Variants in NELL2 observed in about 807,000 individuals in gnomAD.
NELL2 encodes neural EGFL like 2.
NELL2 carries 41 observed loss-of-function variants against 109.6 expected under a neutral mutation model. The observed-to-expected ratio is 0.37, with a 90% CI of 0.29 to 0.49. The LOEUF is 0.49. Among genes scored for constraint, NELL2 ranks in the 20% least tolerant of loss-of-function variants. NELL2 has a pLI of 0.98. For missense variants in NELL2, 900 were observed against 1,008.3 expected (o/e 0.89, Z 1.45); for synonymous variants, 355 against 344.7 (o/e 1.03, Z -0.33).
At chr12:44,745,023 T>A (rs1236732387) in intron 9 of NELL2, among the ~76,000 whole-genome samples, 1 of 152,180 alleles carries the variant, frequency 6.6e-6, no homozygotes, top group African/African-American at 2.4e-5. Context: ...TACACCAATA[T>A]CCTTGATGAA....
At chr12:44,742,561 C>A (rs7963713) in intron 9 of NELL2, among the ~76,000 whole-genome samples, 33,233 of 151,956 alleles carry the variant, frequency 0.22, 4,207 homozygotes, top group African/African-American at 0.36. Context: ...AAGCTTTGAA[C>A]AAAAATTAGA....
chr12:44,905,783 T>A (rs989687928), intron 1 of NELL2, among the ~76,000 whole-genome samples: 1 of 151,330 alleles, frequency 6.6e-6, no homozygotes, highest in African/African-American at 2.5e-5. Flanking sequence ...GTCTGAATCC[T>A]ATACAAATAT....
upstream of NELL2, among the ~76,000 whole-genome samples, chr12:44,915,464 C>T (rs771999585): frequency 2.0e-4 from 30 of 152,148 alleles, no homozygotes; most frequent in Admixed American, 2.0e-4. Context: ...ACCATCAGAT[C>T]TTAGACAACC....
At chr12:44,526,774 T>A (rs992437405) in intron 16 of NELL2, among the ~76,000 whole-genome samples, 1 of 152,206 alleles carries the variant, frequency 6.6e-6, no homozygotes, top group African/African-American at 2.4e-5. Context: ...AAGGCAGAAG[T>A]GTTCAGTCTA....
chr12:44,645,596 T>C (rs1230967362), intron 13 of NELL2, among the ~76,000 whole-genome samples: 1 of 152,220 alleles, frequency 6.6e-6, no homozygotes, highest in Non-Finnish European at 1.5e-5. Context: ...CCCAATTTGC[T>C]CCTTGGGTAC....
At chr12:44,616,887 A>G (rs112779914) in intron 13 of NELL2, among the ~76,000 whole-genome samples, 1,527 of 152,244 alleles carry the variant, frequency 0.01, 25 homozygotes, top group African/African-American at 0.034. Flanking sequence ...CAGATAAAAT[A>G]TACTCTCTCT....
intron 15 of NELL2, among the ~76,000 whole-genome samples, chr12:44,590,426 G>A (rs147913650): frequency 1.3e-5 from 2 of 152,090 alleles, no homozygotes; most frequent in African/African-American, 2.4e-5. Flanking sequence ...ATCCTTAAGA[G>A]ATCTAGTCCA....
intron 13 of NELL2, among the ~76,000 whole-genome samples, chr12:44,654,853 G>C (rs1947440880): frequency 6.6e-6 from 1 of 152,132 alleles, no homozygotes; most frequent in South Asian, 2.1e-4. Flanking sequence ...CAGCAGAATG[G>C]GAAGACGAAC....
chr12:44,851,013 A>G (rs1944518969), intron 2 of NELL2, among the ~76,000 whole-genome samples: 1 of 152,206 alleles, frequency 6.6e-6, no homozygotes, highest in Non-Finnish European at 1.5e-5. Flanking sequence ...TACACACAGT[A>G]TACTTAAAAT....
In NELL2 at chr12:44,520,012, T is replaced by C. The variant is rs1941455936; in HGVS notation, c.2393A>G (p.Gln798Arg). The C allele has an allele frequency of 1.9e-6, 3 of 1,613,906 alleles. No homozygotes were observed. Among genetic ancestry groups the C allele is most frequent in the Admixed American group, 1.7e-5 (1 of 60,000 alleles). The change falls in exon 19 of 20, where the codon CAG becomes CGG. Residue 798 changes from glutamine (Q) to arginine (R), a missense_variant. Gln to Arg is a conservative substitution (Grantham distance 43). Coordinates refer to ENST00000429094, the MANE Select transcript of NELL2 (RefSeq NM_001145108.2). ...AAATTTAATGGAGTTTACCTTGCACTGGCAGAGAGTACACTCAGTGCCATG... is the reference window on the plus strand; with the variant it reads ...AAATTTAATGGAGTTTACCTTGCACCGGCAGAGAGTACACTCAGTGCCATG... ...IKHGTECTLCQCKNGHICCSV... is the reference protein window; with the variant it reads ...IKHGTECTLCRCKNGHICCSV...
chr12:44,818,596 A>T (rs1050128010), intron 2 of NELL2, among the ~76,000 whole-genome samples: 1 of 152,206 alleles, frequency 6.6e-6, no homozygotes, highest in Non-Finnish European at 1.5e-5. Context: ...TAAGATGCTC[A>T]AAGAAGATTC....
chr12:44,711,414 A>C lies in NELL2; in HGVS notation c.1087-20T>G, dbSNP rs1247900460. On this transcript the variant is annotated intron_variant, in intron 10 of 19. Coordinates refer to ENST00000429094, the MANE Select transcript of NELL2 (RefSeq NM_001145108.2). ...CTGGTCCTGTTAGACAACAGAAAAGAAGTGCTTCAAATTTTATCATTAGGA... is the reference window on the plus strand; with the variant it reads ...CTGGTCCTGTTAGACAACAGAAAAGCAGTGCTTCAAATTTTATCATTAGGA... 2 of 1,583,808 alleles carry C rather than the reference A, an allele frequency of 1.3e-6. No homozygotes were observed. Among genetic ancestry groups the C allele is most frequent in the East Asian group, 2.2e-5 (1 of 44,704 alleles).
intron 2 of NELL2, among the ~76,000 whole-genome samples, chr12:44,861,033 A>C (rs1944825846): frequency 6.6e-6 from 1 of 152,214 alleles, no homozygotes; most frequent in African/African-American, 2.4e-5. Context: ...TAGAAACATC[A>C]ATTAGAACAA....
intron 15 of NELL2, among the ~76,000 whole-genome samples, chr12:44,584,986 C>A (rs1944443515): frequency 6.6e-6 from 1 of 152,132 alleles, no homozygotes; most frequent in Non-Finnish European, 1.5e-5. Flanking sequence ...GCTTGATAGG[C>A]CTTTGTGACT....
rs1259438002 is a variant in NELL2 at position 44,725,207 on chromosome 12, G to A, written c.995-10466C>T. Among the ~76,000 whole-genome samples, 4 of 152,138 alleles carry A rather than the reference G, an allele frequency of 2.6e-5. No individual in the cohort carries two copies. The East Asian group carries it at 7.7e-4, about 29-fold the overall frequency. The stretch of plus-strand genomic sequence containing the variant: ...CAATACCATTCTGGACATAGGAATG[G>A]GTGAAGATTTCATGAAAAAGACACC... On this transcript the variant is annotated intron_variant, in intron 9 of 19. Transcript: ENST00000429094.
intron 12 of NELL2, among the ~76,000 whole-genome samples, chr12:44,696,725 G>GTGA (rs1253244987): frequency 6.6e-6 from 1 of 152,112 alleles, no homozygotes; most frequent in East Asian, 1.9e-4. Context: ...TCATTCTTTA[G>GTGA]TGATGAGTCA....
chr12:44,681,009 TTC>T (rs1391253731), intron 12 of NELL2, among the ~76,000 whole-genome samples: 2 of 152,008 alleles, frequency 1.3e-5, no homozygotes, highest in Non-Finnish European at 2.9e-5. Flanking sequence ...CTTTGTGCAA[TTC>T]TTTTTTTTTA....
chr12:44,851,293 T>C (rs1336418505), intron 2 of NELL2, among the ~76,000 whole-genome samples: 15 of 152,034 alleles, frequency 9.9e-5, no homozygotes, highest in African/African-American at 2.4e-5. Context: ...AGAGGAATAA[T>C]GAATTCATAT....
chr12:44,734,694 G>A (rs562070145), intron 9 of NELL2, among the ~76,000 whole-genome samples: 21 of 151,752 alleles, frequency 1.4e-4, no homozygotes, highest in South Asian at 8.3e-4. Context: ...TAATAGAAGC[G>A]TCTTAAAATA....
Sources: allele counts gnomAD v4.1 joint callset (sites outside exome capture counted in the v4.1 genomes callset), GRCh38; gene constraint gnomAD v4.1.1; transcripts MANE v1.5; gene names NCBI Gene and HGNC (gene_info 2026-07-23, HGNC 2026-07-21).